Variants in NTSR1 observed in about 807,000 individuals in gnomAD.
NTSR1 encodes the protein neurotensin receptor type 1.
In NTSR1, 29 loss-of-function variants were observed where a neutral mutation model predicts 31.2. The observed-to-expected ratio is 0.93, with a 90% CI of 0.69 to 1.27. The LOEUF is 1.27. Ranked by LOEUF, NTSR1 falls within the 50% of genes most tolerant of loss-of-function variation. NTSR1 has a pLI of 0.00. For synonymous variants in NTSR1, 282 were observed against 269.9 expected (o/e 1.04, Z -0.44); for missense variants, 697 against 595.4 (o/e 1.17, Z -1.78).
chr20:62,713,118 C>T (rs376004120), intron 1 of NTSR1, among the ~76,000 whole-genome samples: 12 of 152,328 alleles, frequency 7.9e-5, no homozygotes, highest in South Asian at 2.1e-4. Flanking sequence ...CTCACAGGCA[C>T]GAGTCCATTA....
At chr20:62,725,742 C>G (rs1988895508) in intron 1 of NTSR1, among the ~76,000 whole-genome samples, 1 of 152,086 alleles carries the variant, frequency 6.6e-6, no homozygotes, top group South Asian at 2.1e-4. Flanking sequence ...TGGTATCACC[C>G]CCCACCTTGA....
chr20:62,758,391 C>T lies in NTSR1; in HGVS notation c.1007+35C>T. ...GGGAACCAGGAAGTTGGGTGCTGGA[C>T]AAGTAAGTGCTCCCAAAACAGATGG... is the stretch of plus-strand genomic sequence containing the variant. On this transcript the variant is annotated intron_variant, in intron 3 of 3. Coordinates refer to ENST00000370501, the MANE Select transcript of NTSR1 (RefSeq NM_002531.3). The surrounding 1 kb of genome is among the most constrained non-coding windows in gnomAD (Gnocchi z 4.5). 2 of 1,571,952 alleles carry T rather than the reference C, an allele frequency of 1.3e-6. No individual in the cohort carries two copies. The highest frequency in any genetic ancestry group is 1.7e-6 in the Non-Finnish European group (2 of 1,143,002).
chr20:62,754,581 ACACTGAG>A, intron 1 of NTSR1, 97 bp from the exon 2 acceptor site: 1 of 931,370 alleles, frequency 1.1e-6, no homozygotes, highest in Admixed American at 1.7e-5. Flanking sequence ...TGAGCACCTC[ACACTGAG>A]CAGGCCTGAC....
At chr20:62,739,648 C>G (rs1381779784) in intron 1 of NTSR1, among the ~76,000 whole-genome samples, 3 of 152,268 alleles carry the variant, frequency 2.0e-5, no homozygotes, top group Non-Finnish European at 4.4e-5. Context: ...CAGGGCAGAA[C>G]ACTAATTCCA....
intron 1 of NTSR1, among the ~76,000 whole-genome samples, chr20:62,739,754 A>G (rs907553417): frequency 1.3e-5 from 2 of 152,236 alleles, no homozygotes; most frequent in African/African-American, 4.8e-5. Context: ...GAGGGGCAGG[A>G]TGTGCCTGAT....
In NTSR1 at chr20:62,733,494, G is replaced by A. The variant is rs954228537; in HGVS notation, c.715-21191G>A. The stretch of plus-strand genomic sequence containing the variant: ...CCAGATTTCCACTTTGGAAAGGGAA[G>A]GTTCTAGAAAGTTCTGGAAAGCTCG... On this transcript the variant is annotated intron_variant, in intron 1 of 3. Coordinates refer to ENST00000370501, the MANE Select transcript of NTSR1 (RefSeq NM_002531.3). This position sits in a 1 kb window ranked among gnomAD's most constrained non-coding sequence, Gnocchi z 5.2. Among the ~76,000 whole-genome samples, 2 of 152,194 alleles carry A rather than the reference G, an allele frequency of 1.3e-5. No individual in the cohort carries two copies. Among genetic ancestry groups the A allele is most frequent in the African/African-American group, 2.4e-5 (1 of 41,458 alleles).
intron 1 of NTSR1, among the ~76,000 whole-genome samples, chr20:62,734,966 T>C (rs35434660): frequency 0.11 from 16,151 of 152,134 alleles, 2,074 homozygotes; most frequent in East Asian, 0.31. Context: ...CTCGGGTGGC[T>C]TTGGGGTGTG....
At chr20:62,751,529 G>A (rs1317962260) in intron 1 of NTSR1, among the ~76,000 whole-genome samples, 1 of 152,248 alleles carries the variant, frequency 6.6e-6, no homozygotes, top group African/African-American at 2.4e-5. Flanking sequence ...TTTATTCTTA[G>A]GCAGGTCTTC....
At chr20:62,729,001 A>C (rs1245469322) in intron 1 of NTSR1, among the ~76,000 whole-genome samples, 1 of 152,210 alleles carries the variant, frequency 6.6e-6, no homozygotes, top group Admixed American at 6.5e-5. Context: ...CACTCAGAAG[A>C]AGCTGCTGGC....
At position 62,744,184 on chromosome 20, in the gene NTSR1, T is replaced by G. The variant is rs1256023989; in HGVS notation, c.715-10501T>G. ...CGCAGTCCTGTGCCCCCCAATTTGC[T>G]TCCTTTCCCACACCCAAGGGAGCAC... On this transcript the variant is annotated intron_variant, in intron 1 of 3. Coordinates refer to ENST00000370501, the MANE Select transcript of NTSR1 (RefSeq NM_002531.3). This position sits in a 1 kb window ranked among gnomAD's most constrained non-coding sequence, Gnocchi z 4.1. Among the ~76,000 whole-genome samples the G allele has an allele frequency of 6.6e-6, 1 of 152,148 alleles. No homozygotes were observed. Among genetic ancestry groups the G allele is most frequent in the African/African-American group, 2.4e-5 (1 of 41,428 alleles).
intron 1 of NTSR1, among the ~76,000 whole-genome samples, chr20:62,751,359 T>C (rs1210932103): frequency 1.3e-5 from 2 of 152,344 alleles, no homozygotes; most frequent in African/African-American, 4.8e-5. Context: ...TGAGTTAGGG[T>C]ACTAACTCCA....
In NTSR1 at chr20:62,758,335, T is replaced by A. The variant is rs1250224044; in HGVS notation, c.986T>A (p.Ile329Asn). ...YHVRRLMFCY[I>N]SDEQWTPFLY... The stretch of plus-strand genomic sequence containing the variant: ...GTGCGGCGCCTCATGTTCTGCTACA[T>A]CTCGGATGAGCAGTGGACTCCGTGA... Residue 329 changes from isoleucine (I) to asparagine (N), a missense_variant, in exon 3 of 4, where the codon ATC (isoleucine) becomes AAC (asparagine). Transcript: ENST00000370501. The surrounding 1 kb of genome is among the most constrained non-coding windows in gnomAD (Gnocchi z 4.5). 1 of 1,613,638 alleles carries A rather than the reference T, an allele frequency of 6.2e-7. No homozygotes were observed. The highest frequency in any genetic ancestry group is 1.1e-5 in the South Asian group (1 of 91,078).
intron 1 of NTSR1, among the ~76,000 whole-genome samples, chr20:62,725,706 G>A (rs565843246): frequency 2.0e-5 from 3 of 152,294 alleles, no homozygotes; most frequent in South Asian, 2.1e-4. Context: ...GGGCACAGAC[G>A]CCGCCGCCTC....
chr20:62,752,396 G>A (rs1050333353), intron 1 of NTSR1, among the ~76,000 whole-genome samples: 1 of 152,132 alleles, frequency 6.6e-6, no homozygotes, highest in South Asian at 2.1e-4. Flanking sequence ...CCCAGGAGTC[G>A]GGGTGCATTC....
At chr20:62,740,114 CTTT>C (rs1053310201) in intron 1 of NTSR1, among the ~76,000 whole-genome samples, 3 of 152,256 alleles carry the variant, frequency 2.0e-5, no homozygotes, top group African/African-American at 7.2e-5. Context: ...GAGCAGAGAA[CTTT>C]TCCGGATGGT....
chr20:62,712,640 C>G (rs1298213709), intron 1 of NTSR1, among the ~76,000 whole-genome samples: 1 of 152,234 alleles, frequency 6.6e-6, no homozygotes, highest in African/African-American at 2.4e-5. Flanking sequence ...CCAGACCTGG[C>G]CCTGGTGCCA....
chr20:62,739,830 G>A (rs964417715), intron 1 of NTSR1, among the ~76,000 whole-genome samples: 9 of 152,390 alleles, frequency 5.9e-5, no homozygotes, highest in Non-Finnish European at 1.3e-4. Flanking sequence ...AGCGGCCGGC[G>A]ACGGCCAGAA....
rs754192308 is a variant in NTSR1, at chr20:62,745,239, A to C, written c.715-9446A>C. ...CAAAGACAGAGAGAGAGACACAGAG[A>C]GGAAAGCAGAGACACAGAGAGACAT... On this transcript the variant is annotated intron_variant, in intron 1 of 3. Transcript: ENST00000370501. This position sits in a 1 kb window ranked among gnomAD's most constrained non-coding sequence, Gnocchi z 4.1. 1.3e-5 allele frequency among the ~76,000 whole-genome samples: 2 copies of C among 152,186 alleles called. No individual in the cohort carries two copies. Among genetic ancestry groups the C allele is most frequent in the Non-Finnish European group, 2.9e-5 (2 of 68,038 alleles).
At chr20:62,738,690 C>T (rs1034674594) in intron 1 of NTSR1, among the ~76,000 whole-genome samples, 4 of 152,218 alleles carry the variant, frequency 2.6e-5, no homozygotes, top group African/African-American at 4.8e-5. Flanking sequence ...CTTCTGCCCG[C>T]GGGGTTAGCA....
Sources: gnomAD v4.1 joint callset for allele counts (sites outside exome capture counted in the v4.1 genomes callset) on GRCh38, gnomAD v4.1.1 for gene constraint, Gnocchi (gnomAD v3.1) non-coding constraint, MANE v1.5 for transcripts, NCBI Gene and HGNC (gene_info 2026-07-23, HGNC 2026-07-21) for gene names.